The following HEPH variants were observed in gnomAD, a reference collection of about 807,000 sequenced individuals.
HEPH encodes hephaestin.
HEPH carries 69 observed loss-of-function variants against 80.8 expected under a neutral mutation model. That is an observed-to-expected ratio of 0.85 (90% CI 0.70 to 1.04). HEPH has a LOEUF of 1.04. HEPH is among the 50% of genes least tolerant of loss of function. The pLI, the probability that HEPH is intolerant of heterozygous loss-of-function variation, is 0.00. For missense variants in HEPH, 1,115 were observed against 891.3 expected, an observed-to-expected ratio of 1.25 and a Z score of -3.20; for synonymous variants, 431 against 322.8, an observed-to-expected ratio of 1.34 and a Z score of -3.60.
chrX:66,212,951 AT>A lies in HEPH; in HGVS notation c.2563+4713del, dbSNP rs754963799. ...CATTTTAATGATATTAATTCTTTTG[AT>A]TTTTTTTATTTGTTTTTATCCTCTT... is the stretch of plus-strand genomic sequence containing the variant. On this transcript the variant is annotated intron_variant, in intron 15 of 20. Coordinates refer to ENST00000343002, the MANE Select transcript of HEPH (RefSeq NM_001367233.3). Among the ~76,000 whole-genome samples, 640 of 107,980 alleles carry A rather than the reference AT, an allele frequency of 5.9e-3. 3 individuals carry two copies. Among genetic ancestry groups the A allele is most frequent in the African/African-American group, 0.018 (531 of 29,899 alleles). 93.8% of individuals were successfully genotyped at this position (107,980 alleles called of 115,157 possible). A position where few individuals can be genotyped will look rare whatever the true frequency, so the allele number is the denominator to read the frequency against.
chrX:66,257,690 T>G (rs2091227393), intron 17 of HEPH, among the ~76,000 whole-genome samples: 1 of 112,233 alleles, frequency 8.9e-6, no homozygotes, highest in Non-Finnish European at 1.9e-5. Context: ...TTCTGTGGCC[T>G]GATTGATGAG....
chrX:66,255,544 A>T (rs1190962102), intron 16 of HEPH, among the ~76,000 whole-genome samples: 1 of 111,940 alleles, frequency 8.9e-6, no homozygotes, highest in African/African-American at 3.2e-5. Context: ...TCATCTGGAA[A>T]ATGGATTTAT....
chrX:66,262,559 G>A (rs999892171), intron 19 of HEPH, among the ~76,000 whole-genome samples: 18 of 111,692 alleles, frequency 1.6e-4, no homozygotes, highest in African/African-American at 5.9e-4. Flanking sequence ...AGTTGAAATT[G>A]GACACAAAGG....
chrX:66,210,163 A>T (rs775346329), intron 15 of HEPH, among the ~76,000 whole-genome samples: 137 of 111,845 alleles, frequency 1.2e-3, no homozygotes, highest in Non-Finnish European at 2.0e-3. Flanking sequence ...TCAAAATGAG[A>T]TTACAGATGT....
chrX:66,211,251 T>C lies in HEPH; in HGVS notation c.2563+3005T>C, dbSNP rs2089099837. ...TGTATAGGTTTAAAGTAGTTCTAACTTAAATTACAGTTCGATATTTTATTT... is the reference window on the plus strand; with the variant it reads ...TGTATAGGTTTAAAGTAGTTCTAACCTAAATTACAGTTCGATATTTTATTT... On this transcript the variant is annotated intron_variant, in intron 15 of 20. Coordinates refer to ENST00000343002, the MANE Select transcript of HEPH (RefSeq NM_001367233.3). Among the ~76,000 whole-genome samples, 2 of 111,753 alleles carry C rather than the reference T, an allele frequency of 1.8e-5. 1 individual carries two copies. The highest frequency in any genetic ancestry group is 6.5e-5 in the African/African-American group (2 of 30,806).
Position 66,173,923 on chromosome X carries a change from T to A in HEPH, c.625+122T>A, listed in dbSNP as rs923422197. ...GGAGTGCTAATTCAGCACTCTTGTTTATTAGCAAGAAAAATCTCTGCTAAA... is the reference window on the plus strand; with the variant it reads ...GGAGTGCTAATTCAGCACTCTTGTTAATTAGCAAGAAAAATCTCTGCTAAA... On this transcript the variant is annotated intron_variant, in intron 4 of 20. Coordinates refer to ENST00000343002, the MANE Select transcript of HEPH (RefSeq NM_001367233.3). The A allele has an allele frequency of 1.9e-5, 8 of 415,450 alleles. No homozygotes were observed. In the African/African-American group the frequency reaches 2.0e-4, roughly 10 times the overall value. 34.2% of individuals were successfully genotyped at this position (415,450 alleles called of 1,213,427 possible). A position where few individuals can be genotyped will look rare whatever the true frequency, so the allele number is the denominator to read the frequency against.
intron 15 of HEPH, among the ~76,000 whole-genome samples, chrX:66,220,953 G>A (rs780415525): frequency 1.8e-5 from 2 of 110,797 alleles, no homozygotes; most frequent in South Asian, 7.9e-4. Context: ...TAAAATAATA[G>A]GACTGTAGCA....
In HEPH at chrX:66,267,090, G is replaced by C. The variant is rs942632098; in HGVS notation, c.*418G>C. ...ACTTTGAACTGAGGCCAAGTGAGCT[G>C]TTAAGATAACCCACACTTAAACTAA... On this transcript the variant is annotated 3_prime_UTR_variant, in exon 21 of 21. Coordinates refer to ENST00000343002, the MANE Select transcript of HEPH (RefSeq NM_001367233.3). 2.3e-5 allele frequency: 3 copies of C among 129,474 alleles called. No homozygotes were observed. Among genetic ancestry groups the C allele is most frequent in the African/African-American group, 9.6e-5 (3 of 31,223 alleles). 10.7% of individuals were successfully genotyped at this position (129,474 alleles called of 1,213,427 possible).
chrX:66,264,818 A>T (rs184550098), intron 20 of HEPH, among the ~76,000 whole-genome samples: 1,949 of 105,301 alleles, frequency 0.019, 45 homozygotes, highest in African/African-American at 0.064. Flanking sequence ...ATATATATAT[A>T]TTTTTATATA....
chrX:66,229,520 G>A lies in HEPH; in HGVS notation c.2563+21274G>A, dbSNP rs746132128. On this transcript the variant is annotated intron_variant, in intron 15 of 20. Transcript: ENST00000343002. ...TACAGTGTACACTGCTCAGGTGATG[G>A]GTGCACAAAAGTATCAGAAATCACC... 8.1e-5 allele frequency among the ~76,000 whole-genome samples: 9 copies of A among 111,119 alleles called. No individual in the cohort carries two copies. In the South Asian group the frequency reaches 1.5e-3, roughly 19 times the overall value.
At chrX:66,205,154 G>A (rs2088693287) in intron 13 of HEPH, among the ~76,000 whole-genome samples, 1 of 110,891 alleles carries the variant, frequency 9.0e-6, no homozygotes, top group Non-Finnish European at 1.9e-5. Flanking sequence ...TAGGTATGGG[G>A]GTACATGTGC....
chrX:66,206,748 G>C lies in HEPH; in HGVS notation c.2292-447G>C, dbSNP rs185541130. ...GAAGAAATAGGGGCCAGGTGTGGTG[G>C]CTCATGCCTGTAATCCCAGCACTTT... On this transcript the variant is annotated intron_variant, in intron 13 of 20. Transcript: ENST00000343002. Among the ~76,000 whole-genome samples, 804 of 110,304 alleles carry C rather than the reference G, an allele frequency of 7.3e-3. 6 individuals are homozygous for C. The highest frequency in any genetic ancestry group is 0.051 in the Middle Eastern group (11 of 215).
intron 15 of HEPH, among the ~76,000 whole-genome samples, chrX:66,238,983 C>T (rs1473504469): frequency 1.8e-5 from 2 of 112,695 alleles, no homozygotes; most frequent in East Asian, 5.6e-4. Flanking sequence ...TTAAGAATGC[C>T]TTTAAGTGGT....
chrX:66,175,742 C>A (rs1045035562), intron 4 of HEPH, among the ~76,000 whole-genome samples: 1 of 80,345 alleles, frequency 1.2e-5, no homozygotes, highest in Non-Finnish European at 2.2e-5. Flanking sequence ...TAGGTATATT[C>A]CTAAGTATGT....
intron 15 of HEPH, among the ~76,000 whole-genome samples, chrX:66,208,576 G>C (rs1211638052): frequency 1.0e-5 from 1 of 95,819 alleles, no homozygotes; most frequent in African/African-American, 3.7e-5. Flanking sequence ...CCAACATCAT[G>C]CCACTGCACT....
At chrX:66,205,888 A>G (rs1251516878) in intron 13 of HEPH, among the ~76,000 whole-genome samples, 1 of 111,351 alleles carries the variant, frequency 9.0e-6, no homozygotes, top group Non-Finnish European at 1.9e-5. Context: ...GCAGTATAAG[A>G]TGAAAGAACA....
intron 15 of HEPH, among the ~76,000 whole-genome samples, chrX:66,227,200 G>A (rs917692211): frequency 1.3e-4 from 15 of 112,045 alleles, no homozygotes; most frequent in Non-Finnish European, 3.8e-5. Flanking sequence ...CATTTCAATA[G>A]ATGCAGAAAA....
intron 15 of HEPH, among the ~76,000 whole-genome samples, chrX:66,226,481 A>G (rs1414173105): frequency 2.7e-5 from 3 of 112,382 alleles, no homozygotes; most frequent in African/African-American, 6.5e-5. Flanking sequence ...AAACAAAAAT[A>G]TACAAAAGAT....
intron 15 of HEPH, among the ~76,000 whole-genome samples, chrX:66,220,989 G>T (rs2089620873): frequency 9.0e-6 from 1 of 111,541 alleles, no homozygotes; most frequent in African/African-American, 3.3e-5. Context: ...TCAGTAACTT[G>T]ATGTATACAC....
Sources: gnomAD v4.1 joint callset for allele counts (sites outside exome capture counted in the v4.1 genomes callset) on GRCh38, gnomAD v4.1.1 for gene constraint, MANE v1.5 for transcripts, NCBI Gene and HGNC (gene_info 2026-07-23, HGNC 2026-07-21) for gene names.